NR6A1: variants seen among roughly 807,000 people sequenced by gnomAD.
The protein encoded by NR6A1 is retinoic acid receptor-related testis-associated receptor.
A neutral mutation model predicts 59.1 loss-of-function variants in NR6A1; 7 were observed. The observed-to-expected ratio is 0.12, with a 90% CI of 0.07 to 0.22. The LOEUF is 0.22. Ranked by LOEUF, NR6A1 falls within the 10% of genes least tolerant of loss-of-function variation. NR6A1 has a pLI of 1.00. For missense variants in NR6A1, 468 were observed against 611.6 expected, an observed-to-expected ratio of 0.77 and a Z score of 2.48; for synonymous variants, 243 against 236.1, an observed-to-expected ratio of 1.03 and a Z score of -0.27.
At chr9:124,741,154 G>A (rs1208878313) in intron 1 of NR6A1, among the ~76,000 whole-genome samples, 2 of 152,176 alleles carry the variant, frequency 1.3e-5, no homozygotes, top group African/African-American at 2.4e-5. Context: ...TGTGACTGGC[G>A]TGAATGAGGA....
chr9:124,622,612 G>A (rs1013831014), intron 2 of NR6A1, among the ~76,000 whole-genome samples: 9 of 152,118 alleles, frequency 5.9e-5, no homozygotes, highest in Non-Finnish European at 1.0e-4. Context: ...CCACTATAAC[G>A]TATTTGGGAC....
intron 1 of NR6A1, among the ~76,000 whole-genome samples, chr9:124,761,815 G>A (rs1290567229): frequency 2.6e-5 from 4 of 152,186 alleles, no homozygotes; most frequent in African/African-American, 4.8e-5. Flanking sequence ...TTCCACAAAT[G>A]TAAGTCTACC....
At chr9:124,566,207 C>A (rs768392198) in intron 2 of NR6A1, among the ~76,000 whole-genome samples, 9 of 152,150 alleles carry the variant, frequency 5.9e-5, no homozygotes, top group Non-Finnish European at 1.2e-4. Flanking sequence ...CTATAGGATT[C>A]CATTTGTATT....
At chr9:124,687,722 A>G (rs1293222266) in intron 2 of NR6A1, among the ~76,000 whole-genome samples, 1 of 152,232 alleles carries the variant, frequency 6.6e-6, no homozygotes. Flanking sequence ...CAGAATTAGT[A>G]GTCAAAGTGC....
intron 2 of NR6A1, among the ~76,000 whole-genome samples, chr9:124,617,592 G>C (rs1458280496): frequency 1.6e-4 from 25 of 152,160 alleles, no homozygotes. Flanking sequence ...AGCTTTATGA[G>C]TGGCTCCCTA....
At chr9:124,679,441 T>C (rs1838057806) in intron 2 of NR6A1, among the ~76,000 whole-genome samples, 1 of 152,184 alleles carries the variant, frequency 6.6e-6, no homozygotes, top group African/African-American at 2.4e-5. Context: ...TAGTATCAAC[T>C]CAACTCAGCA....
chr9:124,572,547 T>C (rs1351270441), intron 2 of NR6A1, among the ~76,000 whole-genome samples: 1 of 152,152 alleles, frequency 6.6e-6, no homozygotes, highest in Non-Finnish European at 1.5e-5. Flanking sequence ...TGAGAACACA[T>C]GAAGAAAGTG....
intron 2 of NR6A1, among the ~76,000 whole-genome samples, chr9:124,591,839 G>C (rs972597505): frequency 1.2e-4 from 18 of 151,924 alleles, no homozygotes; most frequent in African/African-American, 3.9e-4. Context: ...ATGGGTAGAT[G>C]CATTTTTCCT....
At chr9:124,609,228 T>G (rs1165599746) in intron 2 of NR6A1, among the ~76,000 whole-genome samples, 1 of 152,178 alleles carries the variant, frequency 6.6e-6, no homozygotes, top group East Asian at 1.9e-4. Flanking sequence ...CACCTAGGGT[T>G]TTTATGGTTT....
At chr9:124,705,464 T>C (rs1839097443) in intron 2 of NR6A1, among the ~76,000 whole-genome samples, 1 of 152,208 alleles carries the variant, frequency 6.6e-6, no homozygotes, top group South Asian at 2.1e-4. Flanking sequence ...GTAATATTTC[T>C]TGCTTAAACT....
intron 2 of NR6A1, among the ~76,000 whole-genome samples, chr9:124,696,984 G>A (rs1350198789): frequency 1.3e-5 from 2 of 152,116 alleles, no homozygotes; most frequent in Admixed American, 6.5e-5. Flanking sequence ...TTAAAATATT[G>A]TGGCCATCTT....
chr9:124,755,351 T>C (rs1453545304), intron 1 of NR6A1, among the ~76,000 whole-genome samples: 3 of 152,314 alleles, frequency 2.0e-5, no homozygotes, highest in East Asian at 1.9e-4. Context: ...GTTCATTATG[T>C]TGGCTTCATT....
chr9:124,689,017 A>C (rs1838433049), intron 2 of NR6A1, among the ~76,000 whole-genome samples: 1 of 152,230 alleles, frequency 6.6e-6, no homozygotes, highest in Admixed American at 6.5e-5. Context: ...GTGGTAGAGC[A>C]TTAATTCCAA....
At position 124,666,571 on chromosome 9, in the gene NR6A1, G is replaced by GC. The variant is rs1396066072; in HGVS notation, c.142+66736dup. ...TGGGATTACAAGCATGAGCAACCAT[G>GC]CCCGGCCACCATTTGGCTTTCTAAT... On this transcript the variant is annotated intron_variant, in intron 2 of 9. Coordinates refer to ENST00000487099, the MANE Select transcript of NR6A1 (RefSeq NM_033334.4). Among the ~76,000 whole-genome samples, 4 of 152,280 alleles carry GC rather than the reference G, an allele frequency of 2.6e-5. No individual in the cohort carries two copies. In the South Asian group the frequency reaches 6.2e-4, roughly 24 times the overall value.
At chr9:124,691,131 T>A (rs1838531152) in intron 2 of NR6A1, among the ~76,000 whole-genome samples, 1 of 152,226 alleles carries the variant, frequency 6.6e-6, no homozygotes, top group Non-Finnish European at 1.5e-5. Flanking sequence ...AATAAACCCA[T>A]TAAAAAGTTT....
intron 2 of NR6A1, among the ~76,000 whole-genome samples, chr9:124,687,440 T>C (rs1265486927): frequency 6.6e-6 from 1 of 151,914 alleles, no homozygotes; most frequent in Non-Finnish European, 1.5e-5. Context: ...GCCCCCAACA[T>C]CCCAAACAGC....
At chr9:124,667,369 A>C (rs926745690) in intron 2 of NR6A1, among the ~76,000 whole-genome samples, 1 of 152,154 alleles carries the variant, frequency 6.6e-6, no homozygotes, top group Non-Finnish European at 1.5e-5. Flanking sequence ...GTATATGAGA[A>C]TATACATGAA....
chr9:124,662,723 C>T (rs1012291835), intron 2 of NR6A1, among the ~76,000 whole-genome samples: 2 of 152,176 alleles, frequency 1.3e-5, no homozygotes, highest in Non-Finnish European at 2.9e-5. Flanking sequence ...GATTGCTTTA[C>T]CAGCCGATGT....
intron 2 of NR6A1, among the ~76,000 whole-genome samples, chr9:124,593,846 C>G (rs770942466): frequency 7.9e-5 from 12 of 152,088 alleles, no homozygotes; most frequent in Non-Finnish European, 1.6e-4. Flanking sequence ...AAGCCCTTCC[C>G]CCACCTTTCT....
Sources: allele counts gnomAD v4.1 joint callset (sites outside exome capture counted in the v4.1 genomes callset), GRCh38; gene constraint gnomAD v4.1.1; transcripts MANE v1.5; gene names NCBI Gene and HGNC (gene_info 2026-07-23, HGNC 2026-07-21).